The following CCSER1 variants were observed in gnomAD, a reference collection of about 807,000 sequenced individuals.
CCSER1 encodes coiled-coil serine rich protein 1, also known as serine-rich coiled-coil domain-containing protein 1.
Under a neutral mutation model 82.0 loss-of-function variants are expected in CCSER1, and 41 were observed. The observed-to-expected ratio is 0.50, with a 90% CI of 0.39 to 0.65. The LOEUF is 0.65. CCSER1 is among the 30% of genes least tolerant of loss of function. The probability of loss-of-function intolerance (pLI) is 0.00; values close to 1 mark genes in which losing one functional copy is unlikely to be tolerated. For synonymous variants in CCSER1, 414 were observed against 383.9 expected (o/e 1.08, Z -0.92); for missense variants, 1,119 against 1,064.2 (o/e 1.05, Z -0.72).
intron 10 of CCSER1, among the ~76,000 whole-genome samples, chr4:91,589,455 A>C (rs1578867374): frequency 6.6e-6 from 1 of 152,086 alleles, no homozygotes; most frequent in African/African-American, 2.4e-5. Context: ...TATTCACACG[A>C]GACATTATGT....
At chr4:90,153,455 C>T (rs1324683611) in intron 1 of CCSER1, among the ~76,000 whole-genome samples, 1 of 151,914 alleles carries the variant, frequency 6.6e-6, no homozygotes, top group Non-Finnish European at 1.5e-5. Flanking sequence ...CCTGAGGAAT[C>T]GCCACACTGA....
At chr4:91,231,975 T>C (rs1442538883) in intron 10 of CCSER1, among the ~76,000 whole-genome samples, 1 of 151,752 alleles carries the variant, frequency 6.6e-6, no homozygotes, top group Non-Finnish European at 1.5e-5. Flanking sequence ...ACTTTACAAA[T>C]AGATCTAAAT....
intron 1 of CCSER1, among the ~76,000 whole-genome samples, chr4:90,288,287 T>A (rs1730272778): frequency 6.6e-6 from 1 of 151,892 alleles, no homozygotes; most frequent in African/African-American, 2.4e-5. Context: ...CTTGGAATGA[T>A]CAGGCCTGCC....
At chr4:90,437,490 G>C (rs1423296892) in intron 4 of CCSER1, among the ~76,000 whole-genome samples, 1 of 152,150 alleles carries the variant, frequency 6.6e-6, no homozygotes, top group South Asian at 2.1e-4. Context: ...TTACTTACTA[G>C]TTGGATGTCT....
At chr4:91,215,242 G>A (rs1737148875) in intron 10 of CCSER1, among the ~76,000 whole-genome samples, 1 of 152,212 alleles carries the variant, frequency 6.6e-6, no homozygotes, top group African/African-American at 2.4e-5. Context: ...AAGAAATAAT[G>A]ATAGCTGATA....
intron 1 of CCSER1, among the ~76,000 whole-genome samples, chr4:90,159,150 C>T (rs1056046527): frequency 6.6e-6 from 1 of 152,112 alleles, no homozygotes; most frequent in Admixed American, 6.5e-5. Context: ...CCTCCTACCT[C>T]AGCCTCTTTA....
rs17016600 is a variant in CCSER1, at chr4:90,173,626, C to G, written c.-42+45795C>G. 6.7e-3 allele frequency among the ~76,000 whole-genome samples: 1,023 copies of G among 151,988 alleles called. 7 individuals carry two copies. Among genetic ancestry groups the G allele is most frequent in the Non-Finnish European group, 9.9e-3 (675 of 67,902 alleles). On this transcript the variant is annotated intron_variant, in intron 1 of 10. Coordinates refer to ENST00000509176, the MANE Select transcript of CCSER1 (RefSeq NM_001145065.2). ...GTAATATGTGATTAAGGTGAGCAAT[C>G]CAAGAGGCGGAATCCTGTAATGAAA... is the stretch of plus-strand genomic sequence containing the variant.
At chr4:91,435,722 G>T (rs537042284) in intron 10 of CCSER1, among the ~76,000 whole-genome samples, 6 of 152,074 alleles carry the variant, frequency 3.9e-5, no homozygotes, top group Non-Finnish European at 8.8e-5. Flanking sequence ...GTAAATTAAG[G>T]TATTTATACC....
At chr4:90,944,122 A>G (rs1409110960) in intron 9 of CCSER1, among the ~76,000 whole-genome samples, 3 of 151,078 alleles carry the variant, frequency 2.0e-5, no homozygotes, top group African/African-American at 7.3e-5. Context: ...AATCCCAGCT[A>G]CTCGGGAGGC....
At chr4:91,081,029 A>G (rs1722658385) in intron 9 of CCSER1, among the ~76,000 whole-genome samples, 1 of 152,228 alleles carries the variant, frequency 6.6e-6, no homozygotes, top group African/African-American at 2.4e-5. Flanking sequence ...ATCAATAGAA[A>G]AAGAGGGAAT....
intron 5 of CCSER1, among the ~76,000 whole-genome samples, chr4:90,618,601 A>G (rs1336368670): frequency 2.6e-5 from 4 of 151,958 alleles, no homozygotes; most frequent in African/African-American, 9.7e-5. Context: ...TGTAAGATTA[A>G]TCAAATTTAT....
chr4:90,910,982 T>C (rs915645646), intron 8 of CCSER1, among the ~76,000 whole-genome samples: 2 of 152,172 alleles, frequency 1.3e-5, no homozygotes, highest in African/African-American at 4.8e-5. Context: ...TGGAATAAAA[T>C]ATGTTCTAAC....
At chr4:90,925,068 G>T (rs1728887253) in intron 9 of CCSER1, among the ~76,000 whole-genome samples, 2 of 152,186 alleles carry the variant, frequency 1.3e-5, no homozygotes, top group African/African-American at 2.4e-5. Context: ...TAGTCCTTAG[G>T]ATATAAACCC....
intron 1 of CCSER1, among the ~76,000 whole-genome samples, chr4:90,157,995 C>G (rs1383407441): frequency 6.6e-6 from 1 of 152,146 alleles, no homozygotes; most frequent in Non-Finnish European, 1.5e-5. Context: ...TTTCCCCCAT[C>G]TTTGTGGTTT....
intron 8 of CCSER1, among the ~76,000 whole-genome samples, chr4:90,854,401 G>T (rs1349878021): frequency 6.6e-6 from 1 of 152,134 alleles, no homozygotes; most frequent in Admixed American, 6.6e-5. Flanking sequence ...TCAAGTGATT[G>T]TTGCTTTGTT....
intron 10 of CCSER1, among the ~76,000 whole-genome samples, chr4:91,187,488 GTAATAC>G (rs1734654128): frequency 6.6e-6 from 1 of 151,854 alleles, no homozygotes; most frequent in African/African-American, 2.4e-5. Flanking sequence ...GGGTTGTTTG[GTAATAC>G]AAACTCTGTG....
At chr4:90,129,991 G>T (rs1722541249) in intron 1 of CCSER1, among the ~76,000 whole-genome samples, 1 of 152,024 alleles carries the variant, frequency 6.6e-6, no homozygotes, top group Admixed American at 6.6e-5. Flanking sequence ...TGAGTATTTT[G>T]TTTTTTGACA....
intron 8 of CCSER1, among the ~76,000 whole-genome samples, chr4:90,891,683 C>T (rs1357906010): frequency 1.3e-5 from 2 of 151,986 alleles, no homozygotes; most frequent in Admixed American, 6.6e-5. Context: ...AGCACAACCA[C>T]TATATCTGGC....
At chr4:91,219,160 C>A (rs2149096951) in intron 10 of CCSER1, among the ~76,000 whole-genome samples, 1 of 152,168 alleles carries the variant, frequency 6.6e-6, no homozygotes, top group South Asian at 2.1e-4. Context: ...TAAATTTATT[C>A]TAATCATTCC....
Sources: gnomAD v4.1 joint callset for allele counts (sites outside exome capture counted in the v4.1 genomes callset) on GRCh38, gnomAD v4.1.1 for gene constraint, MANE v1.5 for transcripts, NCBI Gene and HGNC (gene_info 2026-07-23, HGNC 2026-07-21) for gene names.